The following CTNNA2 variants were observed in gnomAD, a reference collection of about 807,000 sequenced individuals.
CTNNA2 encodes catenin alpha-2.
Under a neutral mutation model 101.0 loss-of-function variants are expected in CTNNA2, and 42 were observed. The ratio of observed to expected loss-of-function variants is 0.42; its 90% CI spans 0.32 to 0.54. CTNNA2 has a LOEUF of 0.54. Among genes scored for constraint, CTNNA2 ranks in the 20% least tolerant of loss-of-function variants. The pLI is 0.14. For missense variants in CTNNA2, 871 were observed against 1,223.1 expected (o/e 0.71, Z 4.29); for synonymous variants, 450 against 456.4 (o/e 0.99, Z 0.18).
intron 7 of CTNNA2, among the ~76,000 whole-genome samples, chr2:80,306,400 T>TTTTCTTTTCTTTTCTTTC (rs1491389570): frequency 5.8e-4 from 63 of 109,260 alleles, no homozygotes; most frequent in African/African-American, 8.6e-4. Context: ...TTTTCTTTTC[T>TTTTCTTTTCTTTTCTTTC]TTTCTTTCTT....
At chr2:79,888,451 G>A (rs566225438) in intron 6 of CTNNA2, among the ~76,000 whole-genome samples, 1 of 152,216 alleles carries the variant, frequency 6.6e-6, no homozygotes, top group Admixed American at 6.5e-5. Context: ...AAATCTAGGA[G>A]TATTTTCTGA....
intron 1 of CTNNA2, among the ~76,000 whole-genome samples, chr2:79,562,908 A>G (rs1049787849): frequency 6.6e-6 from 1 of 151,780 alleles, no homozygotes; most frequent in African/African-American, 2.4e-5. Context: ...TCTGTGTGTG[A>G]CAGAGATAAA....
In CTNNA2 at chr2:79,661,062, CT is replaced by C. The variant is rs150053634; in HGVS notation, c.102+9408del. On this transcript the variant is annotated intron_variant, in intron 2 of 18. Transcript: ENST00000402739. ...GGTGGTGACTGCTCTAGCTCCCTGTCTTTTGTGTTTGGTGAACACACACCAC... is the reference window on the plus strand; with the variant it reads ...GGTGGTGACTGCTCTAGCTCCCTGTCTTTGTGTTTGGTGAACACACACCAC... 8.6e-3 allele frequency among the ~76,000 whole-genome samples: 1,309 copies of C among 152,268 alleles called. 13 individuals are homozygous for C. The highest frequency in any genetic ancestry group is 0.03 in the African/African-American group (1,245 of 41,546).
intron 2 of CTNNA2, among the ~76,000 whole-genome samples, chr2:79,254,157 T>C (rs1674809538): frequency 6.6e-6 from 1 of 152,222 alleles, no homozygotes; most frequent in Non-Finnish European, 1.5e-5. Flanking sequence ...TATTGGATCC[T>C]ATTACCCTCT....
intron 7 of CTNNA2, among the ~76,000 whole-genome samples, chr2:80,170,038 A>G (rs1704945450): frequency 6.6e-6 from 1 of 152,216 alleles, no homozygotes; most frequent in African/African-American, 2.4e-5. Context: ...CTCAGTAAAT[A>G]ATTGTTTCCG....
At chr2:79,635,435 C>T (rs1048095064) in intron 1 of CTNNA2, among the ~76,000 whole-genome samples, 9 of 150,990 alleles carry the variant, frequency 6.0e-5, no homozygotes, top group Non-Finnish European at 1.2e-4. Context: ...AGCTGGACTC[C>T]GTCACAGAAA....
At chr2:80,445,171 T>G (rs1277499328) in intron 9 of CTNNA2, among the ~76,000 whole-genome samples, 4 of 152,034 alleles carry the variant, frequency 2.6e-5, no homozygotes, top group African/African-American at 9.7e-5. Flanking sequence ...TTGTTTGTTT[T>G]TAATTTTTAT....
intron 7 of CTNNA2, among the ~76,000 whole-genome samples, chr2:80,176,757 CT>C (rs1705420950): frequency 6.6e-6 from 1 of 152,194 alleles, no homozygotes; most frequent in African/African-American, 2.4e-5. Context: ...CTGATTTTAT[CT>C]TGATAATCTG....
chr2:80,508,330 A>T (rs1688431884), intron 9 of CTNNA2, among the ~76,000 whole-genome samples: 1 of 152,062 alleles, frequency 6.6e-6, no homozygotes, highest in Non-Finnish European at 1.5e-5. Flanking sequence ...TAATAATTTT[A>T]AAAAATTAGC....
intron 7 of CTNNA2, chr2:80,163,131 CCTTTATTA>C (rs1704436849): frequency 6.4e-7 from 1 of 1,572,564 alleles, no homozygotes; most frequent in South Asian, 1.1e-5. Flanking sequence ...TGGAATTTCA[CCTTTATTA>C]CTGGCCCAGC....
chr2:79,941,307 T>C (rs1688143852), intron 7 of CTNNA2, among the ~76,000 whole-genome samples: 1 of 152,320 alleles, frequency 6.6e-6, no homozygotes, highest in African/African-American at 2.4e-5. Context: ...TTAACTCTAC[T>C]ATTTCAGGAC....
intron 2 of CTNNA2, among the ~76,000 whole-genome samples, chr2:79,242,993 T>TATATATATACACAC (rs1306982182): frequency 5.1e-5 from 6 of 116,702 alleles, no homozygotes; most frequent in Non-Finnish European, 1.1e-4. Context: ...TATATATATA[T>TATATATATACACAC]ACACACACAC....
chr2:79,958,785 C>T (rs892455), intron 7 of CTNNA2, among the ~76,000 whole-genome samples: 63,972 of 146,976 alleles, frequency 0.44, 13,607 homozygotes, highest in East Asian at 0.55. Context: ...ATTTTTTTTT[C>T]TTTTCATAAG....
chr2:80,481,073 G>A (rs1572996440), intron 9 of CTNNA2, among the ~76,000 whole-genome samples: 1 of 152,076 alleles, frequency 6.6e-6, no homozygotes, highest in Non-Finnish European at 1.5e-5. Flanking sequence ...GCCACATTTG[G>A]TTACCTGGAC....
chr2:79,419,103 T>A (rs970534692), intron 4 of CTNNA2, among the ~76,000 whole-genome samples: 2 of 152,120 alleles, frequency 1.3e-5, no homozygotes, highest in Non-Finnish European at 2.9e-5. Flanking sequence ...AGAAACACTC[T>A]ATGAATTAAT....
chr2:80,270,018 T>C (rs1455583457), intron 7 of CTNNA2, among the ~76,000 whole-genome samples: 4 of 152,192 alleles, frequency 2.6e-5, no homozygotes, highest in Non-Finnish European at 4.4e-5. Flanking sequence ...ATCAGCGCCA[T>C]AAACCAGGAG....
intron 17 of CTNNA2, among the ~76,000 whole-genome samples, chr2:80,616,739 G>C (rs549152791): frequency 1.2e-4 from 18 of 151,638 alleles, no homozygotes; most frequent in Non-Finnish European, 2.2e-4. Flanking sequence ...AATGTCAAGA[G>C]GCTAGATCCT....
At chr2:79,793,888 G>GCACACACACACACACACACACACA (rs71385299) in intron 3 of CTNNA2, among the ~76,000 whole-genome samples, 1 of 142,624 alleles carries the variant, frequency 7.0e-6, no homozygotes, top group Admixed American at 7.0e-5. Flanking sequence ...ACACACTCAT[G>GCACACACACACACACACACACACA]CACACACACA....
At position 79,748,244 on chromosome 2, in the gene CTNNA2, TAG is replaced by T. The variant is rs1179898749; in HGVS notation, c.298+3668_298+3669del. ...CTGCATTGATTTTCAGAGAGAGAGG[TAG>T]AGAGAAAAGAGCTTGTGGGGAAGGA... On this transcript the variant is annotated intron_variant, in intron 3 of 18. Transcript: ENST00000402739. Among the ~76,000 whole-genome samples, 5 of 152,196 alleles carry T rather than the reference TAG, an allele frequency of 3.3e-5. No homozygotes were observed. The East Asian group carries it at 7.7e-4, about 24-fold the overall frequency.
Sources: allele counts gnomAD v4.1 joint callset (sites outside exome capture counted in the v4.1 genomes callset), GRCh38; gene constraint gnomAD v4.1.1; transcripts MANE v1.5; gene names NCBI Gene and HGNC (gene_info 2026-07-23, HGNC 2026-07-21).